The following TMEM177 variants were observed in gnomAD, a reference collection of about 807,000 sequenced individuals.
TMEM177 encodes transmembrane protein 177.
TMEM177 carries 4 observed loss-of-function variants against 14.2 expected under a neutral mutation model. The observed-to-expected ratio is 0.28, with a 90% CI of 0.14 to 0.64. The LOEUF is 0.64. TMEM177 is among the 30% of genes least tolerant of loss of function. The pLI is 0.82. For missense variants in TMEM177, 344 were observed against 405.2 expected, an observed-to-expected ratio of 0.85 and a Z score of 1.30; for synonymous variants, 179 against 174.5, an observed-to-expected ratio of 1.03 and a Z score of -0.20.
At chr2:119,703,954 A>G in the TMEM177 span, among the ~76,000 whole-genome samples, 1 of 152,238 alleles carries the variant, frequency 6.6e-6, no homozygotes, top group Non-Finnish European at 1.5e-5. Flanking sequence ...ATAGCCCTTC[A>G]TCTGAAGCAT....
At chr2:119,706,902 T>C in the TMEM177 span, among the ~76,000 whole-genome samples, 1 of 149,150 alleles carries the variant, frequency 6.7e-6, no homozygotes, top group East Asian at 2.1e-4. Context: ...TTTTATTTAT[T>C]TATTTTATTT....
the TMEM177 span, among the ~76,000 whole-genome samples, chr2:119,696,649 C>A: frequency 6.6e-6 from 1 of 152,160 alleles, no homozygotes; most frequent in South Asian, 2.1e-4. Context: ...GGGGCAGATG[C>A]ATTTCTCAAC....
chr2:119,684,420 A>G (rs1688977346), downstream of TMEM177, among the ~76,000 whole-genome samples: 1 of 152,166 alleles, frequency 6.6e-6, no homozygotes, highest in African/African-American at 2.4e-5. Flanking sequence ...CCTACTGCTG[A>G]CTAATTAAGT....
the TMEM177 span, among the ~76,000 whole-genome samples, chr2:119,691,700 G>A: frequency 6.6e-6 from 1 of 152,170 alleles, no homozygotes; most frequent in Non-Finnish European, 1.5e-5. Context: ...TGTGGCGTGT[G>A]GGGAGGCCCC....
At chr2:119,715,208 C>T in the TMEM177 span, among the ~76,000 whole-genome samples, 1 of 152,050 alleles carries the variant, frequency 6.6e-6, no homozygotes, top group Non-Finnish European at 1.5e-5. Context: ...CAAAGTGAGA[C>T]CCTACATCTA....
At chr2:119,712,685 A>G in the TMEM177 span, among the ~76,000 whole-genome samples, 2 of 152,182 alleles carry the variant, frequency 1.3e-5, no homozygotes, top group East Asian at 1.9e-4. Context: ...CACCCAGTCC[A>G]TGGTACTTCG....
chr2:119,681,264 C>T lies in TMEM177; in HGVS notation c.411C>T (p.Ala137=). The change falls in exon 2 of 2, where the codon GCC becomes GCT. Residue 137 remains alanine, a synonymous_variant. Transcript: ENST00000272521. ...TGGACTGGCGGAGCCCAGCAGGCGC[C>T]CGGCTGAGAGCTTCCCTGACCTTGT... is the stretch of plus-strand genomic sequence containing the variant. The part of the protein sequence containing the change: ...HTVDWRSPAG[A]RLRASLTLSR... 1 of 1,614,262 alleles carries T rather than the reference C, an allele frequency of 6.2e-7. No homozygotes were observed. The highest frequency in any genetic ancestry group is 8.5e-7 in the Non-Finnish European group (1 of 1,180,050).
the TMEM177 span, chr2:119,699,175 C>T: frequency 3.2e-5 from 5 of 154,358 alleles, no homozygotes; most frequent in East Asian, 9.6e-4. Context: ...AGGAAAGTGA[C>T]TCACACAGTT....
chr2:119,700,103 G>GA, the TMEM177 span: 1 of 252,232 alleles, frequency 4.0e-6, no homozygotes, highest in African/African-American at 2.3e-5. Context: ...TTGCCCAGAA[G>GA]AAAAAGTTAG....
the TMEM177 span, among the ~76,000 whole-genome samples, chr2:119,720,748 TA>T: frequency 1.3e-5 from 2 of 152,246 alleles, no homozygotes. Context: ...TTTTGTGAAA[TA>T]ATAGTTCTTA....
downstream of TMEM177, among the ~76,000 whole-genome samples, chr2:119,690,611 G>A (rs542782635): frequency 6.6e-6 from 1 of 152,344 alleles, no homozygotes; most frequent in African/African-American, 2.4e-5. Flanking sequence ...CCCACGTGGA[G>A]AGAGGGAGGG....
the TMEM177 span, among the ~76,000 whole-genome samples, chr2:119,707,124 G>T: frequency 6.6e-6 from 1 of 152,006 alleles, no homozygotes; most frequent in Non-Finnish European, 1.5e-5. Flanking sequence ...TGTTAGCCAG[G>T]CTGGTCTCGA....
the TMEM177 span, among the ~76,000 whole-genome samples, chr2:119,721,872 T>C: frequency 2.0e-5 from 3 of 152,216 alleles, no homozygotes; most frequent in Non-Finnish European, 4.4e-5. Flanking sequence ...TGCCCGCTTA[T>C]GTCATCCTAG....
chr2:119,707,104 G>C, the TMEM177 span, among the ~76,000 whole-genome samples: 1 of 151,898 alleles, frequency 6.6e-6, no homozygotes, highest in African/African-American at 2.4e-5. Flanking sequence ...GTAGAGACAG[G>C]GTTTCGCCAT....
At chr2:119,693,275 G>T in the TMEM177 span, among the ~76,000 whole-genome samples, 1 of 152,198 alleles carries the variant, frequency 6.6e-6, no homozygotes, top group South Asian at 2.1e-4. Flanking sequence ...CTGTAGTAGG[G>T]TGCTTTTGGG....
At chr2:119,679,958 T>C (rs1393580695) in intron 1 of TMEM177, among the ~76,000 whole-genome samples, 1 of 152,182 alleles carries the variant, frequency 6.6e-6, no homozygotes, top group Non-Finnish European at 1.5e-5. Context: ...CTGGGAGTTA[T>C]GGAGGCTGGA....
At chr2:119,693,014 C>T in the TMEM177 span, among the ~76,000 whole-genome samples, 1 of 149,250 alleles carries the variant, frequency 6.7e-6, no homozygotes, top group African/African-American at 2.5e-5. Context: ...GATTTGTCCC[C>T]AGGTCCCTGT....
chr2:119,685,508 T>G, downstream of TMEM177: 1 of 615,286 alleles, frequency 1.6e-6, no homozygotes. Context: ...CGGCGAGGCC[T>G]CCTGCCTGTC....
At chr2:119,707,825 C>T in the TMEM177 span, among the ~76,000 whole-genome samples, 1 of 152,224 alleles carries the variant, frequency 6.6e-6, no homozygotes, top group Non-Finnish European at 1.5e-5. Flanking sequence ...CCTGATGACT[C>T]CATTTTGGTT....
Sources: gnomAD v4.1 joint callset for allele counts (sites outside exome capture counted in the v4.1 genomes callset) on GRCh38, gnomAD v4.1.1 for gene constraint, MANE v1.5 for transcripts, NCBI Gene and HGNC (gene_info 2026-07-23, HGNC 2026-07-21) for gene names.